The following GNAL variants were observed in gnomAD, a reference collection of about 807,000 sequenced individuals.
GNAL encodes the protein guanine nucleotide-binding protein G(olf) subunit alpha.
Under a neutral mutation model 55.1 loss-of-function variants are expected in GNAL, and 18 were observed. That is an observed-to-expected ratio of 0.33 (90% confidence interval 0.23 to 0.48). The LOEUF is 0.48. GNAL is among the 20% of genes least tolerant of loss of function. The pLI is 0.99. For synonymous variants in GNAL, 253 were observed against 237.0 expected, an observed-to-expected ratio of 1.07 and a Z score of -0.62; for missense variants, 412 against 614.1, an observed-to-expected ratio of 0.67 and a Z score of 3.48.
chr18:11,714,147 C>T (rs967610704), intron 1 of GNAL, among the ~76,000 whole-genome samples: 1 of 152,192 alleles, frequency 6.6e-6, no homozygotes, highest in African/African-American at 2.4e-5. Context: ...CTTCCTGGGG[C>T]CTGCCCACTA....
rs608449 is a variant in GNAL at position 11,880,126 on chromosome 18, G to T, written c.1231-863G>T. Among the ~76,000 whole-genome samples the T allele has an allele frequency of 6.0e-5, 9 of 149,658 alleles. 1 individual carries two copies. In the East Asian group the frequency reaches 1.1e-3, roughly 18 times the overall value. ...ACAAAAAGTAGCCAGGCGTGGTGGCGCACGCCTGTAATCCCAGCTACTCAG... is the reference window on the plus strand; with the variant it reads ...ACAAAAAGTAGCCAGGCGTGGTGGCTCACGCCTGTAATCCCAGCTACTCAG... On this transcript the variant is annotated intron_variant, in intron 11 of 11. Transcript: ENST00000334049.
At chr18:11,851,664 C>A (rs1371062795) in intron 5 of GNAL, 69 of 1,613,994 alleles carry the variant, frequency 4.3e-5, no homozygotes, top group Non-Finnish European at 5.8e-5. Context: ...CGAGGATACA[C>A]GCCGAAAATG....
chr18:11,695,819 G>C (rs1228920102), intron 1 of GNAL, among the ~76,000 whole-genome samples: 1 of 151,936 alleles, frequency 6.6e-6, no homozygotes, highest in Non-Finnish European at 1.5e-5. Context: ...ACATTTGCTG[G>C]CTTTCTTTTG....
chr18:11,765,039 A>G (rs1336444532), intron 4 of GNAL, among the ~76,000 whole-genome samples: 2 of 152,204 alleles, frequency 1.3e-5, no homozygotes, highest in Non-Finnish European at 2.9e-5. Context: ...TGAAAAAACA[A>G]TTAGAAAAAG....
chr18:11,765,458 A>G (rs2033374595), intron 4 of GNAL, among the ~76,000 whole-genome samples: 1 of 152,190 alleles, frequency 6.6e-6, no homozygotes, highest in African/African-American at 2.4e-5. Context: ...GAAATATACA[A>G]TAAATTATTA....
rs1173173541 is a variant in GNAL at position 11,731,151 on chromosome 18, G to A, written c.377-21702G>A. On this transcript the variant is annotated intron_variant, in intron 1 of 11. Transcript: ENST00000334049. ...CATGGCCAGGAATTCAGTTTTTGTT[G>A]TTGTTGTTGTTTTTGAGACGGAGTC... 3.9e-5 allele frequency among the ~76,000 whole-genome samples: 6 copies of A among 152,264 alleles called. No homozygotes were observed. The East Asian group carries it at 9.7e-4, about 25-fold the overall frequency.
At position 11,689,889 on chromosome 18, in the gene GNAL, TGCGCGACCAGAA is replaced by T; in HGVS notation, c.335_346del (p.Gln112_Asp115del). Reference sequence around the variant, plus strand: ...GTGAGCCGGGGCATCGACCGCATGCTGCGCGACCAGAAGCGCGACCTGCAGCAGACGCACCGG... The same window carrying T: ...GTGAGCCGGGGCATCGACCGCATGCTGCGCGACCTGCAGCAGACGCACCGG... On this transcript the variant is annotated inframe_deletion, in exon 1 of 12. Transcript: ENST00000334049. The T allele has an allele frequency of 6.7e-7, 1 of 1,487,696 alleles. No homozygotes were observed. The highest frequency in any genetic ancestry group is 8.9e-7 in the Non-Finnish European group (1 of 1,119,202). The allele number at this position is 1,487,696 out of a possible 1,614,324, so 92.2% of individuals were successfully genotyped here.
intron 1 of GNAL, among the ~76,000 whole-genome samples, chr18:11,745,115 T>G (rs2032661180): frequency 6.6e-6 from 1 of 152,166 alleles, no homozygotes; most frequent in Non-Finnish European, 1.5e-5. Flanking sequence ...ACATTTTCTA[T>G]CTATTGTTTT....
At chr18:11,754,998 ATGT>A (rs2032995660) in intron 4 of GNAL, among the ~76,000 whole-genome samples, 1 of 149,048 alleles carries the variant, frequency 6.7e-6, no homozygotes, top group African/African-American at 2.5e-5. Flanking sequence ...GTGAGTGTGT[ATGT>A]GTGTGTGTGT....
rs2143174653 is a variant in GNAL at position 11,760,593 on chromosome 18, C to T, written c.624+6648C>T. On this transcript the variant is annotated intron_variant, in intron 4 of 11. Transcript: ENST00000334049. ...GGGGCCCACTTAAGGTCTCACTGCC[C>T]CTCTGCTGGGTCTGTCTTGAATGGG... 3.3e-5 allele frequency among the ~76,000 whole-genome samples: 5 copies of T among 152,232 alleles called. No homozygotes were observed. In the Middle Eastern group the frequency reaches 0.014, roughly 414 times the overall value.
At chr18:11,855,349 C>G (rs2035981404) in intron 5 of GNAL, among the ~76,000 whole-genome samples, 1 of 152,164 alleles carries the variant, frequency 6.6e-6, no homozygotes, top group African/African-American at 2.4e-5. Context: ...CCAACTGAAA[C>G]ACATCAGGGA....
chr18:11,867,953 C>G (rs1339973388), intron 8 of GNAL, among the ~76,000 whole-genome samples: 1 of 151,398 alleles, frequency 6.6e-6, no homozygotes, highest in Non-Finnish European at 1.5e-5. Flanking sequence ...AGTGAAACCC[C>G]GTCTCTACTA....
intron 4 of GNAL, among the ~76,000 whole-genome samples, chr18:11,790,661 C>CTTTTTTTTTTTTTTTTT (rs397941591): frequency 2.8e-5 from 2 of 71,450 alleles, no homozygotes; most frequent in African/African-American, 7.6e-5. Context: ...CTTTTTTTTT[C>CTTTTTTTTTTTTTTTTT]TTTTTTTTTT....
intron 5 of GNAL, among the ~76,000 whole-genome samples, chr18:11,849,312 A>T (rs1450714968): frequency 6.6e-6 from 1 of 152,044 alleles, no homozygotes; most frequent in Non-Finnish European, 1.5e-5. Flanking sequence ...GGCCAGCCTG[A>T]CCAACATGGC....
At chr18:11,799,538 C>T (rs1291368944) in intron 4 of GNAL, among the ~76,000 whole-genome samples, 1 of 152,106 alleles carries the variant, frequency 6.6e-6, no homozygotes, top group Non-Finnish European at 1.5e-5. Context: ...TACAGCTTGA[C>T]CATGTGTAAT....
intron 5 of GNAL, among the ~76,000 whole-genome samples, chr18:11,829,329 G>A (rs1311459185): frequency 1.3e-5 from 2 of 152,158 alleles, no homozygotes; most frequent in African/African-American, 2.4e-5. Flanking sequence ...GAATCATGTG[G>A]AGCAATAACC....
chr18:11,857,803 C>T, intron 5 of GNAL: 5 of 894,606 alleles, frequency 5.6e-6, no homozygotes, highest in Non-Finnish European at 6.7e-6. Context: ...ATGTTTTTCT[C>T]CACCAGTACG....
intron 1 of GNAL, among the ~76,000 whole-genome samples, chr18:11,726,200 A>C (rs1215934725): frequency 6.6e-6 from 1 of 152,140 alleles, no homozygotes; most frequent in Admixed American, 6.5e-5. Context: ...ATTCTTCTTC[A>C]ATATTGTGTT....
chr18:11,877,444 G>T (rs2036559245), intron 11 of GNAL, among the ~76,000 whole-genome samples: 2 of 151,706 alleles, frequency 1.3e-5, no homozygotes, highest in African/African-American at 4.8e-5. Flanking sequence ...GACAGAGCGA[G>T]ACTCTGTCTC....
Sources: gnomAD v4.1 joint callset for allele counts (sites outside exome capture counted in the v4.1 genomes callset) on GRCh38, gnomAD v4.1.1 for gene constraint, MANE v1.5 for transcripts, NCBI Gene and HGNC (gene_info 2026-07-23, HGNC 2026-07-21) for gene names.